Variants in BARX2 observed in about 807,000 individuals in gnomAD.
The protein encoded by BARX2 is BARX homeobox 2, also known as homeobox protein BarH-like 2.
A neutral mutation model predicts 25.5 loss-of-function variants in BARX2; 11 were observed. That is an observed-to-expected ratio of 0.43 (90% confidence interval 0.27 to 0.71). The LOEUF (loss-of-function observed/expected upper bound fraction) is 0.71, where lower values mean the gene tolerates loss of function less well. BARX2 is among the 30% of genes least tolerant of loss of function. The probability of loss-of-function intolerance (pLI) is 0.19; values close to 1 mark genes in which losing one functional copy is unlikely to be tolerated. For synonymous variants in BARX2, 137 were observed against 149.5 expected (o/e 0.92, Z 0.61); for missense variants, 360 against 359.9 (o/e 1.00, Z 0.00).
At chr11:129,444,788 G>A (rs1274879363) in intron 3 of BARX2, among the ~76,000 whole-genome samples, 2 of 152,184 alleles carry the variant, frequency 1.3e-5, no homozygotes, top group East Asian at 3.9e-4. Flanking sequence ...GATCACATGA[G>A]GTCAGGAGTT....
At chr11:129,423,747 C>T (rs1862034065) in intron 1 of BARX2, among the ~76,000 whole-genome samples, 1 of 152,202 alleles carries the variant, frequency 6.6e-6, no homozygotes, top group Non-Finnish European at 1.5e-5. Context: ...GCTGCTGCCT[C>T]TTATGCTATA....
Position 129,451,418 on chromosome 11 carries a change from A to C in BARX2, c.*16A>C. On this transcript the variant is annotated 3_prime_UTR_variant, in exon 4 of 4. Coordinates refer to ENST00000281437, the MANE Select transcript of BARX2 (RefSeq NM_003658.5). ...ATTAAGCTAAAGTAAAACCCTTTTG[A>C]GGGAAGAGGGAGACTGGGGAGAAGG... 1 of 1,604,758 alleles carries C rather than the reference A, an allele frequency of 6.2e-7. No homozygotes were observed.
intron 2 of BARX2, among the ~76,000 whole-genome samples, chr11:129,439,882 A>T (rs1001031587): frequency 2.0e-5 from 3 of 151,942 alleles, no homozygotes; most frequent in African/African-American, 7.3e-5. Context: ...CATGACTAAC[A>T]TATTAGGCTG....
At chr11:129,406,264 A>G (rs1861828546) in intron 1 of BARX2, among the ~76,000 whole-genome samples, 1 of 152,214 alleles carries the variant, frequency 6.6e-6, no homozygotes, top group Non-Finnish European at 1.5e-5. Context: ...CAGTAATCCT[A>G]CAGCAAGTTT....
chr11:129,411,971 G>A (rs957792781), intron 1 of BARX2, among the ~76,000 whole-genome samples: 5 of 152,138 alleles, frequency 3.3e-5, no homozygotes, highest in Non-Finnish European at 5.9e-5. Context: ...GTGTTTATAA[G>A]TGCCAAAGAA....
chr11:129,450,862 C>A (rs914409718), intron 3 of BARX2, among the ~76,000 whole-genome samples: 3 of 152,094 alleles, frequency 2.0e-5, no homozygotes, highest in Admixed American at 6.5e-5. Context: ...ATTTTCATTT[C>A]TTTCCTTATT....
In BARX2 at chr11:129,390,870, A is replaced by G. The variant is rs1450647291; in HGVS notation, c.187+14648A>G. Among the ~76,000 whole-genome samples the G allele has an allele frequency of 6.6e-6, 1 of 152,234 alleles. No individual in the cohort carries two copies. Among genetic ancestry groups the G allele is most frequent in the Non-Finnish European group, 1.5e-5 (1 of 68,048 alleles). On this transcript the variant is annotated intron_variant, in intron 1 of 3. Coordinates refer to ENST00000281437, the MANE Select transcript of BARX2 (RefSeq NM_003658.5). The surrounding 1 kb of genome is among the most constrained non-coding windows in gnomAD (Gnocchi z 4.3). Reference sequence around the variant, plus strand: ...ATCATGACGACTGTATTATAATACAATAATGGTATTCATGCAGTGGCGCAC... The same window carrying G: ...ATCATGACGACTGTATTATAATACAGTAATGGTATTCATGCAGTGGCGCAC...
At chr11:129,427,915 A>T (rs1862084774) in intron 1 of BARX2, among the ~76,000 whole-genome samples, 1 of 152,170 alleles carries the variant, frequency 6.6e-6, no homozygotes, top group South Asian at 2.1e-4. Context: ...AGCCTACCAA[A>T]TGTTCCACAT....
rs530904656 is a variant in BARX2 at position 129,405,492 on chromosome 11, C to G, written c.187+29270C>G. Among the ~76,000 whole-genome samples the G allele has an allele frequency of 3.9e-5, 6 of 152,198 alleles. 2 individuals are homozygous for G. Among genetic ancestry groups the G allele is most frequent in the African/African-American group, 1.4e-4 (6 of 41,546 alleles). On this transcript the variant is annotated intron_variant, in intron 1 of 3. Transcript: ENST00000281437. ...TGATTAGTCTTTATAAACTATAGTT[C>G]TTTTTTGTTTATTTCTTCATTGATA...
At chr11:129,446,490 T>C (rs183868159) in intron 3 of BARX2, among the ~76,000 whole-genome samples, 8 of 152,314 alleles carry the variant, frequency 5.3e-5, no homozygotes, top group Admixed American at 5.2e-4. Flanking sequence ...AGCTAATCTC[T>C]GTAAAACACG....
In BARX2 at chr11:129,376,023, G is replaced by C. The variant is rs1861498912; in HGVS notation, c.-13G>C. ...GCCGCGCTCGGGCCGGCGGACGCTC[G>C]CGCCGGCTCACCATGCACTGCCACG... On this transcript the variant is annotated 5_prime_UTR_variant, in exon 1 of 4. Transcript: ENST00000281437. The surrounding 1 kb of genome is among the most constrained non-coding windows in gnomAD (Gnocchi z 4.2). The C allele has an allele frequency of 6.8e-7, 1 of 1,472,964 alleles. No homozygotes were observed. Among genetic ancestry groups the C allele is most frequent in the Non-Finnish European group, 9.0e-7 (1 of 1,111,626 alleles). The allele number at this position is 1,472,964 out of a possible 1,614,324, so 91.2% of individuals were successfully genotyped here.
At chr11:129,410,380 C>T (rs1012177578) in intron 1 of BARX2, among the ~76,000 whole-genome samples, 5 of 152,108 alleles carry the variant, frequency 3.3e-5, no homozygotes, top group Admixed American at 1.3e-4. Context: ...ATGTTAATGA[C>T]AGCTTTCTTT....
chr11:129,422,425 A>G (rs1440011891), intron 1 of BARX2, among the ~76,000 whole-genome samples: 2 of 152,026 alleles, frequency 1.3e-5, no homozygotes, highest in Non-Finnish European at 2.9e-5. Flanking sequence ...CAGCCCCCCA[A>G]GTAGCTAGGA....
At chr11:129,428,765 C>G (rs1432711074) in intron 1 of BARX2, among the ~76,000 whole-genome samples, 3 of 152,216 alleles carry the variant, frequency 2.0e-5, no homozygotes, top group Non-Finnish European at 2.9e-5. Flanking sequence ...GAGCTCAAGA[C>G]AGTGCCTCAT....
At chr11:129,411,084 A>T (rs1861881318) in intron 1 of BARX2, among the ~76,000 whole-genome samples, 1 of 152,204 alleles carries the variant, frequency 6.6e-6, no homozygotes, top group African/African-American at 2.4e-5. Flanking sequence ...AAAGAATAGC[A>T]GAGTGGGCCG....
chr11:129,410,462 T>G (rs1861874628), intron 1 of BARX2, among the ~76,000 whole-genome samples: 1 of 152,238 alleles, frequency 6.6e-6, no homozygotes, highest in African/African-American at 2.4e-5. Context: ...GTTTGTTTGA[T>G]TTCTGTCTTT....
chr11:129,448,479 T>C (rs1230894636), intron 3 of BARX2, among the ~76,000 whole-genome samples: 2 of 152,182 alleles, frequency 1.3e-5, no homozygotes, highest in African/African-American at 4.8e-5. Context: ...AGACAATTTC[T>C]CCAATGAAGA....
At position 129,451,234 on chromosome 11, in the gene BARX2, G is replaced by A; in HGVS notation, c.672G>A (p.Met224Ile). ...AAGAGATTGAAGCTGAAGAGAAGAT[G>A]AACAGCCAGGCCCAGGGTCAGGAGC... ...TSEEIEAEEK[M>I]NSQAQGQEQL... The change falls in exon 4 of 4, where the codon ATG becomes ATA. Residue 224 changes from methionine (M) to isoleucine (I), a missense_variant. By Grantham distance (10) the Met-to-Ile change is conservative. This residue lies in a region of BARX2 where 114 missense variants were observed against 109.4 expected (regional missense o/e 1.04). Coordinates refer to ENST00000281437, the MANE Select transcript of BARX2 (RefSeq NM_003658.5). 1 of 1,614,208 alleles carries A rather than the reference G, an allele frequency of 6.2e-7. No homozygotes were observed. The highest frequency in any genetic ancestry group is 8.5e-7 in the Non-Finnish European group (1 of 1,180,030).
intron 1 of BARX2, among the ~76,000 whole-genome samples, chr11:129,413,610 A>T (rs1861912125): frequency 6.6e-6 from 1 of 152,132 alleles, no homozygotes; most frequent in African/African-American, 2.4e-5. Context: ...GAAACCGTAA[A>T]GGCCGGAGAT....
Sources: gnomAD v4.1 joint callset for allele counts (sites outside exome capture counted in the v4.1 genomes callset) on GRCh38, gnomAD v4.1.1 for gene constraint, gnomAD v4.1.1 regional missense constraint, Gnocchi (gnomAD v3.1) non-coding constraint, MANE v1.5 for transcripts, NCBI Gene and HGNC (gene_info 2026-07-23, HGNC 2026-07-21) for gene names.